The following PDE12 variants were observed in gnomAD, a reference collection of about 807,000 sequenced individuals.
PDE12 encodes the protein 2',5'-phosphodiesterase 12.
In PDE12, 26 loss-of-function variants were observed where a neutral mutation model predicts 45.4. The ratio of observed to expected loss-of-function variants is 0.57; its 90% CI spans 0.42 to 0.79. The LOEUF is 0.79. Among genes scored for constraint, PDE12 ranks in the 30% least tolerant of loss-of-function variants. PDE12 has a pLI of 0.00. For synonymous variants in PDE12, 283 were observed against 323.9 expected, an observed-to-expected ratio of 0.87 and a Z score of 1.36; for missense variants, 668 against 790.0, an observed-to-expected ratio of 0.85 and a Z score of 1.85.
the PDE12 span, among the ~76,000 whole-genome samples, chr3:57,589,554 C>T: frequency 0.16 from 24,789 of 151,190 alleles, 2,620 homozygotes; most frequent in East Asian, 0.48. Flanking sequence ...CCAGTCTCTA[C>T]TAAAAATACA....
At chr3:57,572,959 T>G in the PDE12 span, among the ~76,000 whole-genome samples, 1 of 152,052 alleles carries the variant, frequency 6.6e-6, no homozygotes, top group African/African-American at 2.4e-5. Context: ...TCCCAGCACT[T>G]TGGGAGGCTG....
the PDE12 span, among the ~76,000 whole-genome samples, chr3:57,656,333 A>G: frequency 6.6e-6 from 1 of 152,160 alleles, no homozygotes; most frequent in Non-Finnish European, 1.5e-5. Flanking sequence ...AGTCTTTCAC[A>G]TTGTTGCATG....
chr3:57,641,876 A>G, the PDE12 span: 3 of 632,244 alleles, frequency 4.7e-6, no homozygotes, highest in African/African-American at 3.7e-5. Context: ...TCAACACATT[A>G]CATATCAACT....
the PDE12 span, among the ~76,000 whole-genome samples, chr3:57,643,346 T>G: frequency 6.6e-6 from 1 of 152,150 alleles, no homozygotes; most frequent in East Asian, 1.9e-4. Context: ...AGTTTGCACA[T>G]GTTTAGTTTC....
intron 1 of PDE12, 87 bp downstream of exon 1, chr3:57,557,774 A>C: frequency 3.4e-6 from 4 of 1,178,238 alleles, no homozygotes; most frequent in Admixed American, 2.2e-5. Context: ...TAAAAGTGCG[A>C]TGAAAGTATC....
At chr3:57,612,758 A>G in the PDE12 span, among the ~76,000 whole-genome samples, 3 of 144,386 alleles carry the variant, frequency 2.1e-5, no homozygotes, top group African/African-American at 7.6e-5. Context: ...TGACAGAGTG[A>G]GAGTCCACCT....
chr3:57,649,630 GAA>G, the PDE12 span, among the ~76,000 whole-genome samples: 104,107 of 146,238 alleles, frequency 0.71, 37,076 homozygotes, highest in East Asian at 0.98. Flanking sequence ...ATCAATGAGT[GAA>G]AAAAAAAAAA....
the PDE12 span, chr3:57,584,042 G>A: frequency 3.2e-5 from 44 of 1,378,468 alleles, no homozygotes; most frequent in Middle Eastern, 3.7e-4. Flanking sequence ...GCTGTGCAGC[G>A]TCATTAAGAA....
the PDE12 span, chr3:57,628,458 A>G: frequency 1.4e-6 from 2 of 1,393,438 alleles, no homozygotes; most frequent in African/African-American, 1.4e-5. Context: ...TTTCAGTCTT[A>G]GACCAGAAAT....
In PDE12 at chr3:57,562,076, T is replaced by A. The variant is rs574814137; in HGVS notation, c.*2072T>A. ...GAATTTTTTTTTCATTTTAAAAATA[T>A]GTTTTTGGGCTGTTTTCAAAGAAAG... is the stretch of plus-strand genomic sequence containing the variant. On this transcript the variant is annotated 3_prime_UTR_variant, in exon 3 of 3. Transcript: ENST00000311180. 6 of 982,570 alleles carry A rather than the reference T, an allele frequency of 6.1e-6. No individual in the cohort carries two copies. In the Admixed American group the frequency reaches 3.7e-4, roughly 60 times the overall value. The allele number at this position is 982,570 out of a possible 1,614,324, so 60.9% of individuals were successfully genotyped here. A position where few individuals can be genotyped will look rare whatever the true frequency, so the allele number is the denominator to read the frequency against.
the PDE12 span, among the ~76,000 whole-genome samples, chr3:57,622,682 A>T: frequency 1.3e-5 from 2 of 152,202 alleles, no homozygotes; most frequent in Non-Finnish European, 2.9e-5. Flanking sequence ...GAAACAATCC[A>T]AATGTCTATC....
At chr3:57,634,291 G>A in the PDE12 span, among the ~76,000 whole-genome samples, 6 of 151,964 alleles carry the variant, frequency 3.9e-5, no homozygotes, top group Admixed American at 2.6e-4. Context: ...AAATTAGCCA[G>A]GCATGATGGT....
the PDE12 span, chr3:57,596,982 C>A: frequency 2.2e-6 from 3 of 1,382,230 alleles, no homozygotes; most frequent in Non-Finnish European, 3.0e-6. Context: ...CCCACCACAG[C>A]GGGCGGAGGA....
At chr3:57,575,404 G>T in the PDE12 span, 12 of 767,708 alleles carry the variant, frequency 1.6e-5, no homozygotes, top group Middle Eastern at 4.6e-4. Context: ...GGTATTTAAA[G>T]TTTATTACCA....
At chr3:57,608,019 T>A in the PDE12 span, among the ~76,000 whole-genome samples, 1 of 152,130 alleles carries the variant, frequency 6.6e-6, no homozygotes, top group African/African-American at 2.4e-5. Context: ...GGGAAGCCCA[T>A]CAGACTAACA....
the PDE12 span, among the ~76,000 whole-genome samples, chr3:57,623,247 C>T: frequency 1.3e-5 from 2 of 151,640 alleles, no homozygotes; most frequent in South Asian, 2.1e-4. Flanking sequence ...CTCATCTCTA[C>T]AAAACAACAA....
At chr3:57,615,233 T>G in the PDE12 span, among the ~76,000 whole-genome samples, 1 of 151,958 alleles carries the variant, frequency 6.6e-6, no homozygotes, top group African/African-American at 2.4e-5. Context: ...AAACAGAAAG[T>G]TAATACTAAT....
In PDE12 at chr3:57,556,306, C is replaced by A. The variant is rs1179545909; in HGVS notation, c.-74C>A. 2.1e-6 allele frequency: 3 copies of A among 1,433,258 alleles called. No homozygotes were observed. Among genetic ancestry groups the A allele is most frequent in the African/African-American group, 1.4e-5 (1 of 70,018 alleles). The allele number at this position is 1,433,258 out of a possible 1,614,324, so 88.8% of individuals were successfully genotyped here. A position where few individuals can be genotyped will look rare whatever the true frequency, so the allele number is the denominator to read the frequency against. On this transcript the variant is annotated 5_prime_UTR_variant, in exon 1 of 3. Coordinates refer to ENST00000311180, the MANE Select transcript of PDE12 (RefSeq NM_177966.7). The surrounding 1 kb of genome is among the most constrained non-coding windows in gnomAD (Gnocchi z 5.0). ...CTGAATGAGTCAAAGCCGGCGGCCT[C>A]GGCTCCTCAGCTCCACCTGACAGTA...
At chr3:57,633,844 T>C in the PDE12 span, among the ~76,000 whole-genome samples, 6 of 152,052 alleles carry the variant, frequency 3.9e-5, no homozygotes, top group Admixed American at 6.6e-5. Flanking sequence ...TGAGCCGAGA[T>C]TGTGCTATTG....
Sources: gnomAD v4.1 joint callset for allele counts (sites outside exome capture counted in the v4.1 genomes callset) on GRCh38, gnomAD v4.1.1 for gene constraint, Gnocchi (gnomAD v3.1) non-coding constraint, MANE v1.5 for transcripts, NCBI Gene and HGNC (gene_info 2026-07-23, HGNC 2026-07-21) for gene names.